Variants in PLGRKT observed in about 807,000 individuals in gnomAD.
The protein encoded by PLGRKT is plasminogen receptor with a C-terminal lysine, also known as plasminogen receptor (KT).
PLGRKT carries 22 observed loss-of-function variants against 18.5 expected under a neutral mutation model. The ratio of observed to expected loss-of-function variants is 1.19; its 90% CI spans 0.85 to 1.70. The LOEUF (loss-of-function observed/expected upper bound fraction) is 1.70, where lower values mean the gene tolerates loss of function less well. Among genes scored for constraint, PLGRKT ranks in the 40% most tolerant of loss-of-function variants. The probability of loss-of-function intolerance (pLI) is 0.00; values close to 1 mark genes in which losing one functional copy is unlikely to be tolerated. For synonymous variants in PLGRKT, 72 were observed against 52.8 expected, an observed-to-expected ratio of 1.36 and a Z score of -1.58; for missense variants, 235 against 174.4, an observed-to-expected ratio of 1.35 and a Z score of -1.96.
At chr9:5,436,260 T>C (rs1265968410) in intron 2 of PLGRKT, among the ~76,000 whole-genome samples, 1 of 152,262 alleles carries the variant, frequency 6.6e-6, no homozygotes, top group East Asian at 1.9e-4. Context: ...CCATGGTGTC[T>C]ACTTCCCCTA....
In PLGRKT at chr9:5,390,241, G is replaced by GTATATA. The variant is rs201045967; in HGVS notation, c.82-28359_82-28354dup. ...CGTGTGTGTGTGTGTGTGTGTATGT[G>GTATATA]TATATATATATATATATTTGCCTTT... On this transcript the variant is annotated intron_variant, in intron 3 of 5. Transcript: ENST00000223864. Among the ~76,000 whole-genome samples, 7 of 148,546 alleles carry GTATATA rather than the reference G, an allele frequency of 4.7e-5. No individual in the cohort carries two copies. The South Asian group carries it at 6.4e-4, about 13-fold the overall frequency.
chr9:5,404,445 AT>A (rs1379287829), intron 3 of PLGRKT, among the ~76,000 whole-genome samples: 1 of 152,246 alleles, frequency 6.6e-6, no homozygotes, highest in Non-Finnish European at 1.5e-5. Flanking sequence ...AGATGGCTTT[AT>A]CCCCAGGATG....
chr9:5,393,388 T>C (rs1381195760), intron 3 of PLGRKT, among the ~76,000 whole-genome samples: 2 of 151,896 alleles, frequency 1.3e-5, no homozygotes, highest in East Asian at 3.8e-4. Flanking sequence ...CTGTGAAATA[T>C]GTGGATTTTT....
chr9:5,393,109 T>G (rs1817980273), intron 3 of PLGRKT, among the ~76,000 whole-genome samples: 1 of 151,870 alleles, frequency 6.6e-6, no homozygotes, highest in Admixed American at 6.5e-5. Flanking sequence ...CCCAAAGTAC[T>G]GGGATTACAG....
At chr9:5,361,540 T>C (rs1817264830) in intron 4 of PLGRKT, among the ~76,000 whole-genome samples, 1 of 152,184 alleles carries the variant, frequency 6.6e-6, no homozygotes, top group Non-Finnish European at 1.5e-5. Context: ...CTCTAACTAA[T>C]AAAGTAGAGA....
rs886869667 is a variant in PLGRKT at position 5,418,703 on chromosome 9, T to G, written c.81+13194A>C. 1 of 663,700 alleles carries G rather than the reference T, an allele frequency of 1.5e-6. No individual in the cohort carries two copies. The highest frequency in any genetic ancestry group is 2.1e-5 in the Admixed American group (1 of 47,610). The allele number at this position is 663,700 out of a possible 1,614,324, so 41.1% of individuals were successfully genotyped here. On this transcript the variant is annotated intron_variant, in intron 3 of 5. Coordinates refer to ENST00000223864, the MANE Select transcript of PLGRKT (RefSeq NM_018465.4). The surrounding 1 kb of genome is among the most constrained non-coding windows in gnomAD (Gnocchi z 4.2). The stretch of plus-strand genomic sequence containing the variant: ...ATGTAGCACCCACTGCCGGGAAGTC[T>G]GATGAAGACCGGCATGTGCTCCGAA...
intron 2 of PLGRKT, among the ~76,000 whole-genome samples, chr9:5,435,743 C>A (rs189833796): frequency 2.6e-5 from 4 of 152,328 alleles, no homozygotes; most frequent in South Asian, 2.1e-4. Context: ...AACTGCTCTA[C>A]CCTTCTCAAC....
chr9:5,392,724 A>C (rs1817973259), intron 3 of PLGRKT: 7 of 151,988 alleles, frequency 4.6e-5, no homozygotes, highest in Admixed American at 4.6e-4. Context: ...AAATGTTCAG[A>C]CTAGTAACTG....
At position 5,436,592 on chromosome 9, in the gene PLGRKT, G is replaced by A. The variant is rs773949416; in HGVS notation, c.-30C>T. On this transcript the variant is annotated 5_prime_UTR_variant, in exon 2 of 6. Transcript: ENST00000223864. ...ACCTCTTTCTGGGCCTTGCTCTCCT[G>A]GGTCTGGACTTGTAGTCTGAATGTG... is the stretch of plus-strand genomic sequence containing the variant. 3 of 152,262 alleles carry A rather than the reference G, an allele frequency of 2.0e-5. No individual in the cohort carries two copies. Among genetic ancestry groups the A allele is most frequent in the Admixed American group, 6.5e-5 (1 of 15,282 alleles). The allele number at this position is 152,262 out of a possible 1,614,324, so 9.4% of individuals were successfully genotyped here. A position where few individuals can be genotyped will look rare whatever the true frequency, so the allele number is the denominator to read the frequency against.
rs188563870 is a variant in PLGRKT at position 5,388,131 on chromosome 9, G to A, written c.82-26243C>T. Among the ~76,000 whole-genome samples the A allele has an allele frequency of 3.4e-4, 52 of 151,924 alleles. 2 individuals carry two copies. The highest frequency in any genetic ancestry group is 1.2e-3 in the African/African-American group (51 of 41,252). On this transcript the variant is annotated intron_variant, in intron 3 of 5. Transcript: ENST00000223864. ...GACTGGATGAAATGCCCCAGGAAGC[G>A]AGTATAGATGGTGAAAAGAAGACAA...
intron 3 of PLGRKT, among the ~76,000 whole-genome samples, chr9:5,423,592 C>T (rs1424087452): frequency 1.3e-5 from 2 of 152,072 alleles, no homozygotes; most frequent in African/African-American, 4.8e-5. Context: ...CATTTGACAC[C>T]GTTGAAAACA....
Position 5,390,216 on chromosome 9 carries a change from C to CGT in PLGRKT, c.82-28330_82-28329dup, listed in dbSNP as rs71326160. On this transcript the variant is annotated intron_variant, in intron 3 of 5. Transcript: ENST00000223864. ...CTGTGTGAATGTGTATATGTGTGTG[C>CGT]GTGTGTGTGTGTGTGTGTGTATGTG... Among the ~76,000 whole-genome samples the CGT allele has an allele frequency of 9.8e-3, 1,451 of 147,622 alleles. 13 individuals carry two copies. The highest frequency in any genetic ancestry group is 0.023 in the South Asian group (105 of 4,630).
chr9:5,435,289 C>G (rs1257944376), intron 2 of PLGRKT, among the ~76,000 whole-genome samples: 2 of 139,274 alleles, frequency 1.4e-5, no homozygotes, highest in East Asian at 2.1e-4. Flanking sequence ...ATCCCCCTCT[C>G]TAAGAAACAC....
At chr9:5,385,242 A>T (rs1817820153) in intron 3 of PLGRKT, among the ~76,000 whole-genome samples, 1 of 152,116 alleles carries the variant, frequency 6.6e-6, no homozygotes, top group Non-Finnish European at 1.5e-5. Context: ...GTATTATAAG[A>T]ACTTTTTGGA....
chr9:5,424,765 G>A (rs1471352691), intron 3 of PLGRKT, among the ~76,000 whole-genome samples: 2 of 146,074 alleles, frequency 1.4e-5, no homozygotes, highest in Admixed American at 7.0e-5. Context: ...CACGTTGCCC[G>A]GGCTGGTCCC....
intron 5 of PLGRKT, among the ~76,000 whole-genome samples, chr9:5,360,718 A>G (rs1563763928): frequency 6.6e-6 from 1 of 152,238 alleles, no homozygotes; most frequent in Non-Finnish European, 1.5e-5. Flanking sequence ...CAGAGTATGG[A>G]TAATAGTAAA....
chr9:5,431,951 C>A lies in PLGRKT; in HGVS notation c.27G>T (p.Met9Ile), dbSNP rs747202399. 8 of 1,545,398 alleles carry A rather than the reference C, an allele frequency of 5.2e-6. No individual in the cohort carries two copies. The highest frequency in any genetic ancestry group is 6.3e-6 in the Non-Finnish European group (7 of 1,118,916). ...CCTTTTGATTTTTCATGCTTTCATT[C>A]ATAGATTTTGAAAATATAAACCCCA... MGFIFSKS[M>I]NESMKNQKEF... The change falls in exon 3 of 6, where the codon ATG becomes ATT. Residue 9 changes from methionine (M) to isoleucine (I), a missense_variant. Physicochemically the swap from Met to Ile is conservative, Grantham distance 10. Coordinates refer to ENST00000223864, the MANE Select transcript of PLGRKT (RefSeq NM_018465.4).
rs539264706 is a variant in PLGRKT, at chr9:5,395,222, A to G, written c.82-33334T>C. Among the ~76,000 whole-genome samples, 79 of 152,072 alleles carry G rather than the reference A, an allele frequency of 5.2e-4. No individual in the cohort carries two copies. The Middle Eastern group carries it at 0.014, about 26-fold the overall frequency. Reference sequence around the variant, plus strand: ...AAGTATTCGACAACTAGTGGTAGTTAAGTTCATGCACAAATACATTAAGCT... The same window carrying G: ...AAGTATTCGACAACTAGTGGTAGTTGAGTTCATGCACAAATACATTAAGCT... On this transcript the variant is annotated intron_variant, in intron 3 of 5. Transcript: ENST00000223864.
At chr9:5,393,079 T>C (rs548916238) in intron 3 of PLGRKT, among the ~76,000 whole-genome samples, 2 of 151,848 alleles carry the variant, frequency 1.3e-5, no homozygotes, top group Admixed American at 1.3e-4. Context: ...TGACCTCAGG[T>C]GATCCACCCG....
Sources: gnomAD v4.1 joint callset for allele counts (sites outside exome capture counted in the v4.1 genomes callset) on GRCh38, gnomAD v4.1.1 for gene constraint, Gnocchi (gnomAD v3.1) non-coding constraint, MANE v1.5 for transcripts, NCBI Gene and HGNC (gene_info 2026-07-23, HGNC 2026-07-21) for gene names.